The following PIWIL1 variants were observed in gnomAD, a reference collection of about 807,000 sequenced individuals.
PIWIL1 encodes the protein piwi-like protein 1.
PIWIL1 carries 73 observed loss-of-function variants against 114.4 expected under a neutral mutation model. That is an observed-to-expected ratio of 0.64 (90% CI 0.53 to 0.78). The LOEUF is 0.78. PIWIL1 is among the 30% of genes least tolerant of loss of function. The pLI is 0.00. For missense variants in PIWIL1, 723 were observed against 1,063.1 expected (o/e 0.68, Z 4.45); for synonymous variants, 375 against 369.0 (o/e 1.02, Z -0.19).
chr12:130,401,225 C>T, the PIWIL1 span, among the ~76,000 whole-genome samples: 8 of 152,034 alleles, frequency 5.3e-5, no homozygotes, highest in Admixed American at 1.3e-4. Context: ...AAGCAATTCT[C>T]CCACCTCAGC....
the PIWIL1 span, among the ~76,000 whole-genome samples, chr12:130,421,185 C>T: frequency 2.0e-4 from 30 of 152,264 alleles, no homozygotes; most frequent in East Asian, 2.3e-3. Context: ...GAACGACACA[C>T]GAATTGAATG....
At chr12:130,407,847 G>A in the PIWIL1 span, 3 of 1,603,290 alleles carry the variant, frequency 1.9e-6, no homozygotes, top group Non-Finnish European at 2.6e-6. Context: ...GATCACAAGG[G>A]GGAAAGAAAT....
chr12:130,361,400 TAG>T lies in PIWIL1; in HGVS notation c.1866+22_1866+23del. On this transcript the variant is annotated intron_variant, in intron 15 of 20. Transcript: ENST00000245255. The stretch of plus-strand genomic sequence containing the variant: ...ATCCCCGTGAGTTTGATTTAATTGG[TAG>T]ATGCCGTTTTAAAATTGGTATTTAA... The T allele has an allele frequency of 6.2e-7, 1 of 1,612,904 alleles. No individual in the cohort carries two copies. The highest frequency in any genetic ancestry group is 8.5e-7 in the Non-Finnish European group (1 of 1,178,838).
At chr12:130,372,597 C>CAAAAAAAAAAAAA (rs60262232) in exon 21 of PIWIL1, 6 of 67,882 alleles carry the variant, frequency 8.8e-5, no homozygotes, top group African/African-American at 3.4e-4. Context: ...GACTCCGTCT[C>CAAAAAAAAAAAAA]AAAAAAAAAA....
chr12:130,342,997 A>C lies in PIWIL1; in HGVS notation c.86A>C (p.Gln29Pro). Residue 29 changes from glutamine (Q) to proline (P), a missense_variant, in exon 3 of 21, where the codon CAA becomes CCA. Around this residue, in one of 8 missense-constraint regions of PIWIL1, gnomAD observed 91 missense variants for 76.2 expected, o/e 1.19. Coordinates refer to ENST00000245255, the MANE Select transcript of PIWIL1 (RefSeq NM_004764.5). ...ATTTGCATGTAACTACAGAGTCAGC[A>C]ACCTGGTTATATTCAGCCTAGGCCT... ...AQLVGSTASQ[Q>P]PGYIQPRPQP... The C allele has an allele frequency of 5.0e-6, 8 of 1,613,528 alleles. No individual in the cohort carries two copies. The highest frequency in any genetic ancestry group is 6.8e-6 in the Non-Finnish European group (8 of 1,179,408).
At chr12:130,401,872 G>A in the PIWIL1 span, among the ~76,000 whole-genome samples, 1 of 152,074 alleles carries the variant, frequency 6.6e-6, no homozygotes, top group Non-Finnish European at 1.5e-5. Context: ...TGGGGAGTGT[G>A]TTCTGTGAAC....
chr12:130,357,393 C>T (rs561516987), intron 13 of PIWIL1, 88 bp from the exon 14 acceptor site: 588 of 947,124 alleles, frequency 6.2e-4, no homozygotes, highest in Non-Finnish European at 8.6e-4. Flanking sequence ...TATACGGAAA[C>T]GTTTCCTGTG....
chr12:130,353,102 G>A (rs2073258158), intron 9 of PIWIL1, among the ~76,000 whole-genome samples: 1 of 152,220 alleles, frequency 6.6e-6, no homozygotes, highest in African/African-American at 2.4e-5. Context: ...CTGCTGATGA[G>A]AGACAGATTA....
the PIWIL1 span, among the ~76,000 whole-genome samples, chr12:130,388,372 C>G: frequency 6.6e-6 from 1 of 152,210 alleles, no homozygotes. Context: ...GTTAGTTGAT[C>G]TATCCCAGTA....
chr12:130,411,489 G>A, the PIWIL1 span, among the ~76,000 whole-genome samples: 2 of 152,126 alleles, frequency 1.3e-5, no homozygotes, highest in East Asian at 1.9e-4. Context: ...CTGGCAATGC[G>A]GCAGGGGGCA....
rs1291078544 is a variant in PIWIL1 at position 130,354,683 on chromosome 12, A to C, written c.1171+20A>C. The C allele has an allele frequency of 3.9e-6, 6 of 1,552,114 alleles. No individual in the cohort carries two copies. The East Asian group carries it at 1.1e-4, about 29-fold the overall frequency. On this transcript the variant is annotated intron_variant, in intron 10 of 20. Coordinates refer to ENST00000245255, the MANE Select transcript of PIWIL1 (RefSeq NM_004764.5). ...TTACAGGTACTGTTGCATTTCATTTACTCGGAAGGAAGCCACTGGATTTAC... is the reference window on the plus strand; with the variant it reads ...TTACAGGTACTGTTGCATTTCATTTCCTCGGAAGGAAGCCACTGGATTTAC...
intron 20 of PIWIL1, 46 bp from the exon 21 acceptor site, chr12:130,371,436 G>C: frequency 6.2e-7 from 1 of 1,607,856 alleles, no homozygotes; most frequent in African/African-American, 1.3e-5. Flanking sequence ...GCAATTGAAA[G>C]AGGCTAAGTC....
At chr12:130,348,531 C>T (rs2073130664) in intron 7 of PIWIL1, among the ~76,000 whole-genome samples, 1 of 152,170 alleles carries the variant, frequency 6.6e-6, no homozygotes, top group Non-Finnish European at 1.5e-5. Flanking sequence ...TGGGACCACT[C>T]ATCCCCCAGA....
At position 130,357,123 on chromosome 12, in the gene PIWIL1, T is replaced by C. The variant is rs757324854; in HGVS notation, c.1592+18T>C. The C allele has an allele frequency of 7.5e-6, 12 of 1,591,126 alleles. No homozygotes were observed. The Middle Eastern group carries it at 1.0e-3, about 135-fold the overall frequency. On this transcript the variant is annotated intron_variant, in intron 13 of 20. Coordinates refer to ENST00000245255, the MANE Select transcript of PIWIL1 (RefSeq NM_004764.5). ...GCAATAATGTAAGTTAATCAAGTCA[T>C]TTCTGCTCTGAAAATTGCTTGGCAG... is the stretch of plus-strand genomic sequence containing the variant.
the PIWIL1 span, among the ~76,000 whole-genome samples, chr12:130,391,975 G>C: frequency 1.3e-5 from 2 of 151,766 alleles, no homozygotes; most frequent in East Asian, 3.8e-4. Flanking sequence ...CAGTTACCTG[G>C]TGAATACTGA....
intron 18 of PIWIL1, among the ~76,000 whole-genome samples, chr12:130,363,356 A>G (rs1337323940): frequency 2.0e-5 from 3 of 152,110 alleles, no homozygotes; most frequent in African/African-American, 7.2e-5. Context: ...TCATTCCTTC[A>G]CAGAATGGGA....
the PIWIL1 span, among the ~76,000 whole-genome samples, chr12:130,406,595 T>TA: frequency 6.6e-6 from 1 of 152,376 alleles, no homozygotes; most frequent in Non-Finnish European, 1.5e-5. Context: ...TAAGGACCAT[T>TA]ACGTAAATAT....
At chr12:130,370,216 A>G (rs1565958556) in intron 19 of PIWIL1, among the ~76,000 whole-genome samples, 1 of 149,446 alleles carries the variant, frequency 6.7e-6, no homozygotes, top group South Asian at 2.1e-4. Flanking sequence ...ATATCTCTGG[A>G]TTGATATTTT....
the PIWIL1 span, chr12:130,407,925 C>T: frequency 1.8e-5 from 19 of 1,079,144 alleles, no homozygotes; most frequent in South Asian, 1.1e-4. Flanking sequence ...CCAATACAGC[C>T]GAGACCTGGC....
Sources: allele counts gnomAD v4.1 joint callset (sites outside exome capture counted in the v4.1 genomes callset), GRCh38; gene constraint gnomAD v4.1.1; regional missense constraint gnomAD v4.1.1; transcripts MANE v1.5; gene names NCBI Gene and HGNC (gene_info 2026-07-23, HGNC 2026-07-21).